The following TOX variants were observed in gnomAD, a reference collection of about 807,000 sequenced individuals.
The protein encoded by TOX is thymocyte selection associated high mobility group box, also known as thymocyte selection-associated high mobility group box protein TOX.
In TOX, 11 loss-of-function variants were observed where a neutral mutation model predicts 53.7. The observed-to-expected ratio is 0.20, with a 90% CI of 0.13 to 0.34. The LOEUF (loss-of-function observed/expected upper bound fraction) is 0.34, where lower values mean the gene tolerates loss of function less well. Among genes scored for constraint, TOX ranks in the 10% least tolerant of loss-of-function variants. The pLI, the probability that TOX is intolerant of heterozygous loss-of-function variation, is 1.00. For synonymous variants in TOX, 225 were observed against 245.3 expected (o/e 0.92, Z 0.77); for missense variants, 570 against 664.6 (o/e 0.86, Z 1.56).
chr8:59,067,241 A>G (rs913531786), intron 1 of TOX, among the ~76,000 whole-genome samples: 2 of 152,176 alleles, frequency 1.3e-5, no homozygotes, highest in Admixed American at 1.3e-4. Context: ...GTGCTTAAAC[A>G]ATGCTCTCAT....
chr8:58,999,786 T>C (rs908547324), intron 1 of TOX, among the ~76,000 whole-genome samples: 6 of 152,158 alleles, frequency 3.9e-5, no homozygotes, highest in Non-Finnish European at 7.4e-5. Flanking sequence ...CTGGGGAATT[T>C]CTAGAGAAAA....
chr8:58,841,379 C>T (rs1341240377), intron 4 of TOX, among the ~76,000 whole-genome samples: 1 of 152,072 alleles, frequency 6.6e-6, no homozygotes, highest in Non-Finnish European at 1.5e-5. Context: ...GTAGTAAATG[C>T]TTAACGTTTG....
At chr8:58,847,283 A>T (rs1473403469) in intron 4 of TOX, among the ~76,000 whole-genome samples, 1 of 152,156 alleles carries the variant, frequency 6.6e-6, no homozygotes, top group African/African-American at 2.4e-5. Context: ...TATAAAACAA[A>T]TATGTTGAAC....
intron 2 of TOX, among the ~76,000 whole-genome samples, chr8:58,955,241 C>T (rs1178486865): frequency 6.6e-6 from 1 of 152,056 alleles, no homozygotes; most frequent in Non-Finnish European, 1.5e-5. Flanking sequence ...AAACTGCTCA[C>T]AATCTCAGAA....
intron 1 of TOX, among the ~76,000 whole-genome samples, chr8:59,065,376 T>C (rs1461461517): frequency 6.6e-6 from 1 of 152,172 alleles, no homozygotes; most frequent in African/African-American, 2.4e-5. Flanking sequence ...TTTCAGTGAT[T>C]TAGAAGACAT....
At chr8:58,959,893 AT>A in intron 2 of TOX, 49 bp downstream of exon 2, 1 of 1,589,474 alleles carries the variant, frequency 6.3e-7, no homozygotes. Context: ...AACTCTTTGA[AT>A]TTGTTTAATT....
At chr8:59,044,901 C>G (rs79571822) in intron 1 of TOX, among the ~76,000 whole-genome samples, 3,322 of 152,298 alleles carry the variant, frequency 0.022, 85 homozygotes, top group South Asian at 0.088. Context: ...TAATCGGCTA[C>G]ACACATGTTT....
intron 1 of TOX, among the ~76,000 whole-genome samples, chr8:58,966,490 G>T (rs1437735415): frequency 6.6e-6 from 1 of 152,114 alleles, no homozygotes. Flanking sequence ...GAATGGTATG[G>T]AGAGGAAGAA....
chr8:59,086,173 T>C (rs932582333), intron 1 of TOX, among the ~76,000 whole-genome samples: 4 of 151,792 alleles, frequency 2.6e-5, no homozygotes, highest in Non-Finnish European at 5.9e-5. Flanking sequence ...TTAGTAGAGA[T>C]GGAGTTTCAC....
At chr8:59,006,422 G>A (rs538420205) in intron 1 of TOX, among the ~76,000 whole-genome samples, 13 of 152,292 alleles carry the variant, frequency 8.5e-5, no homozygotes, top group African/African-American at 3.1e-4. Context: ...CTATTGTGAT[G>A]GATGTTTGCA....
At chr8:58,964,109 G>T (rs1812849688) in intron 1 of TOX, among the ~76,000 whole-genome samples, 1 of 152,040 alleles carries the variant, frequency 6.6e-6, no homozygotes, top group African/African-American at 2.4e-5. Context: ...AGAATAAAAA[G>T]AAAAGAAAGT....
chr8:58,971,417 G>A (rs1273391808), intron 1 of TOX, among the ~76,000 whole-genome samples: 1 of 152,212 alleles, frequency 6.6e-6, no homozygotes, highest in Non-Finnish European at 1.5e-5. Context: ...ACAGTTCCTA[G>A]CCGACTAGTC....
chr8:58,878,574 C>T (rs1005151387), intron 3 of TOX, among the ~76,000 whole-genome samples: 28 of 152,236 alleles, frequency 1.8e-4, no homozygotes, highest in African/African-American at 6.3e-4. Context: ...ACTTGAGCAA[C>T]GTATTGTTGG....
intron 3 of TOX, among the ~76,000 whole-genome samples, chr8:58,890,832 G>A (rs763411281): frequency 1.3e-5 from 2 of 152,112 alleles, no homozygotes; most frequent in Admixed American, 1.3e-4. Flanking sequence ...CCTAAATAGG[G>A]TGATGGAAAC....
intron 1 of TOX, among the ~76,000 whole-genome samples, chr8:59,093,736 A>G (rs1346162917): frequency 6.6e-6 from 1 of 152,208 alleles, no homozygotes; most frequent in Non-Finnish European, 1.5e-5. Flanking sequence ...GTTAAATAGT[A>G]GAGTTATTTG....
intron 3 of TOX, among the ~76,000 whole-genome samples, chr8:58,923,325 T>C (rs1812103421): frequency 6.6e-6 from 1 of 152,110 alleles, no homozygotes; most frequent in African/African-American, 2.4e-5. Context: ...TTTCAAAATG[T>C]ATTTTGGAGG....
At chr8:58,987,192 T>G (rs1340825765) in intron 1 of TOX, among the ~76,000 whole-genome samples, 1 of 152,190 alleles carries the variant, frequency 6.6e-6, no homozygotes, top group East Asian at 1.9e-4. Flanking sequence ...CGACACGATT[T>G]TCCCTTAGTG....
chr8:59,107,031 T>C (rs1443529033), intron 1 of TOX, among the ~76,000 whole-genome samples: 1 of 112,714 alleles, frequency 8.9e-6, no homozygotes, highest in Admixed American at 1.0e-4. Context: ...ACAATGATCT[T>C]ATAAAGCAGT....
intron 1 of TOX, among the ~76,000 whole-genome samples, chr8:59,013,592 G>A (rs753253179): frequency 6.6e-5 from 10 of 152,066 alleles, no homozygotes; most frequent in Non-Finnish European, 1.3e-4. Context: ...TGTATTTTTA[G>A]TAGAGACAGG....
Sources: gnomAD v4.1 joint callset for allele counts (sites outside exome capture counted in the v4.1 genomes callset) on GRCh38, gnomAD v4.1.1 for gene constraint, MANE v1.5 for transcripts, NCBI Gene and HGNC (gene_info 2026-07-23, HGNC 2026-07-21) for gene names.